Variants in ASAP1 observed in about 807,000 individuals in gnomAD.
The protein encoded by ASAP1 is arf-GAP with SH3 domain, ANK repeat and PH domain-containing protein 1.
In ASAP1, 43 loss-of-function variants were observed where a neutral mutation model predicts 145.2. That is an observed-to-expected ratio of 0.30 (90% CI 0.23 to 0.38). ASAP1 has a LOEUF of 0.38. ASAP1 is among the 10% of genes least tolerant of loss of function. The pLI, the probability that ASAP1 is intolerant of heterozygous loss-of-function variation, is 1.00. For synonymous variants in ASAP1, 546 were observed against 515.5 expected, an observed-to-expected ratio of 1.06 and a Z score of -0.80; for missense variants, 1,018 against 1,355.3, an observed-to-expected ratio of 0.75 and a Z score of 3.91.
In ASAP1 at chr8:130,079,990, G is replaced by A; in HGVS notation, c.2573-19C>T. The A allele has an allele frequency of 2.5e-6, 4 of 1,608,540 alleles. No homozygotes were observed. The highest frequency in any genetic ancestry group is 2.6e-6 in the Non-Finnish European group (3 of 1,175,012). On this transcript the variant is annotated intron_variant, in intron 25 of 29. Coordinates refer to ENST00000518721, the MANE Select transcript of ASAP1 (RefSeq NM_018482.4). ...TCGTTACCTACAAGGAAAACCGAAG[G>A]TGAAAAGGTATGTCTTTAGATGGGG... is the stretch of plus-strand genomic sequence containing the variant.
intron 3 of ASAP1, among the ~76,000 whole-genome samples, chr8:130,320,081 T>C (rs1242429603): frequency 6.6e-6 from 1 of 152,244 alleles, no homozygotes; most frequent in Non-Finnish European, 1.5e-5. Context: ...CACATTTTTA[T>C]AATGAGAAAT....
At chr8:130,377,528 G>A (rs1452498973) in intron 2 of ASAP1, among the ~76,000 whole-genome samples, 1 of 152,174 alleles carries the variant, frequency 6.6e-6, no homozygotes, top group Non-Finnish European at 1.5e-5. Flanking sequence ...TGAGTACCGG[G>A]ATGTAAACGT....
At chr8:130,439,589 A>T (rs1830425230) in intron 1 of ASAP1, among the ~76,000 whole-genome samples, 1 of 151,682 alleles carries the variant, frequency 6.6e-6, no homozygotes, top group South Asian at 2.1e-4. Context: ...TAAAAAAAAA[A>T]GGGTAACTTC....
chr8:130,216,123 TC>T (rs768464168), intron 4 of ASAP1, among the ~76,000 whole-genome samples: 30 of 152,268 alleles, frequency 2.0e-4, no homozygotes, highest in Non-Finnish European at 4.1e-4. Flanking sequence ...TAGAAAATTC[TC>T]CTTGGAAAAA....
chr8:130,211,090 C>T (rs1049598143), intron 5 of ASAP1, among the ~76,000 whole-genome samples: 3 of 152,178 alleles, frequency 2.0e-5, no homozygotes, highest in Non-Finnish European at 4.4e-5. Context: ...GGGACCAAAA[C>T]CCATGATCCT....
chr8:130,418,174 T>C (rs780113908), intron 1 of ASAP1, among the ~76,000 whole-genome samples: 2 of 152,172 alleles, frequency 1.3e-5, no homozygotes, highest in Non-Finnish European at 2.9e-5. Flanking sequence ...ACAAAGAGAA[T>C]AGGAGCATAA....
chr8:130,086,393 C>T (rs764577928), intron 25 of ASAP1, among the ~76,000 whole-genome samples: 6 of 152,244 alleles, frequency 3.9e-5, no homozygotes, highest in Non-Finnish European at 5.9e-5. Flanking sequence ...GCCCAGCACT[C>T]TGTGAGGCAC....
At chr8:130,146,824 A>G (rs958849547) in intron 13 of ASAP1, among the ~76,000 whole-genome samples, 3 of 152,226 alleles carry the variant, frequency 2.0e-5, no homozygotes, top group Non-Finnish European at 4.4e-5. Context: ...GGAAGGTGAC[A>G]GAGCTGCTGT....
chr8:130,409,516 T>C (rs778283387), intron 1 of ASAP1, among the ~76,000 whole-genome samples: 4 of 152,172 alleles, frequency 2.6e-5, no homozygotes, highest in Non-Finnish European at 5.9e-5. Context: ...ATGCATGTGT[T>C]TGAGATGGGC....
Position 130,431,481 on chromosome 8 carries a change from T to C in ASAP1, c.-28+11979A>G, listed in dbSNP as rs542366527. ...AGCACATACTGTGCTATTGGTACCA[T>C]TCACATCCTTGCTGAGGCTCCCTAC... On this transcript the variant is annotated intron_variant, in intron 1 of 29. Coordinates refer to ENST00000518721, the MANE Select transcript of ASAP1 (RefSeq NM_018482.4). Among the ~76,000 whole-genome samples, 9 of 152,076 alleles carry C rather than the reference T, an allele frequency of 5.9e-5. No individual in the cohort carries two copies. In the East Asian group the frequency reaches 1.6e-3, roughly 26 times the overall value.
chr8:130,443,043 C>T (rs1211921614), intron 1 of ASAP1, among the ~76,000 whole-genome samples: 1 of 152,064 alleles, frequency 6.6e-6, no homozygotes, highest in Non-Finnish European at 1.5e-5. Flanking sequence ...GGGGAACTTT[C>T]CTCGGCTGCA....
At chr8:130,207,308 T>C (rs1471131507) in intron 5 of ASAP1, among the ~76,000 whole-genome samples, 3 of 152,284 alleles carry the variant, frequency 2.0e-5, no homozygotes, top group East Asian at 3.9e-4. Context: ...TTTAGAGAGA[T>C]TGCAAGGCAA....
At chr8:130,319,108 C>T (rs1823847076) in intron 3 of ASAP1, among the ~76,000 whole-genome samples, 1 of 152,306 alleles carries the variant, frequency 6.6e-6, no homozygotes, top group Non-Finnish European at 1.5e-5. Context: ...GTAGCAATTA[C>T]TGTGGTTATT....
At chr8:130,149,600 G>A (rs570602788) in intron 13 of ASAP1, among the ~76,000 whole-genome samples, 1 of 152,254 alleles carries the variant, frequency 6.6e-6, no homozygotes, top group Non-Finnish European at 1.5e-5. Flanking sequence ...AATTTGCAAA[G>A]GTGACACTGA....
chr8:130,271,521 C>A (rs935679554), intron 3 of ASAP1, among the ~76,000 whole-genome samples: 1 of 152,140 alleles, frequency 6.6e-6, no homozygotes, highest in Admixed American at 6.5e-5. Context: ...CTACATGTAC[C>A]GCTCAGATGC....
intron 1 of ASAP1, among the ~76,000 whole-genome samples, chr8:130,404,380 T>C (rs1828933755): frequency 6.6e-6 from 1 of 152,200 alleles, no homozygotes; most frequent in South Asian, 2.1e-4. Flanking sequence ...AAGAACAATG[T>C]TGGACTTCTA....
chr8:130,115,571 A>C, intron 23 of ASAP1, 57 bp downstream of exon 23: 2 of 1,342,132 alleles, frequency 1.5e-6, no homozygotes, highest in South Asian at 2.4e-5. Context: ...TCTTGTCTAC[A>C]CAGACTAGAA....
intron 3 of ASAP1, among the ~76,000 whole-genome samples, chr8:130,291,841 G>A (rs929025070): frequency 3.9e-5 from 6 of 152,044 alleles, no homozygotes; most frequent in African/African-American, 1.2e-4. Context: ...ACAACTCTTC[G>A]GCTCCCTAAA....
In ASAP1 at chr8:130,169,021, T is replaced by A; in HGVS notation, c.793A>T (p.Ile265Phe). 1.9e-6 allele frequency: 3 copies of A among 1,575,876 alleles called. No homozygotes were observed. The highest frequency in any genetic ancestry group is 2.6e-6 in the Non-Finnish European group (3 of 1,165,464). ...LKTADKLKQY[I>F]EKLAADLYNI... ...TATAAATCAGCAGCCAGTTTTTCAATGTACTGTTTCAACTTATCAGCTGTT... is the reference window on the plus strand; with the variant it reads ...TATAAATCAGCAGCCAGTTTTTCAAAGTACTGTTTCAACTTATCAGCTGTT... The change falls in exon 10 of 30, where the codon ATT becomes TTT. Residue 265 changes from isoleucine (I) to phenylalanine (F), a missense_variant. Physicochemically the swap from Ile to Phe is conservative, Grantham distance 21. Transcript: ENST00000518721.
Sources: allele counts gnomAD v4.1 joint callset (sites outside exome capture counted in the v4.1 genomes callset), GRCh38; gene constraint gnomAD v4.1.1; transcripts MANE v1.5; gene names NCBI Gene and HGNC (gene_info 2026-07-23, HGNC 2026-07-21).